Variants in CDS1 observed in about 807,000 individuals in gnomAD.
The protein encoded by CDS1 is CDP-diacylglycerol synthase 1.
A neutral mutation model predicts 62.1 loss-of-function variants in CDS1; 41 were observed. The observed-to-expected ratio is 0.66, with a 90% CI of 0.51 to 0.86. The LOEUF is 0.86. CDS1 is among the 40% of genes least tolerant of loss of function. The pLI, the probability that CDS1 is intolerant of heterozygous loss-of-function variation, is 0.00. For missense variants in CDS1, 470 were observed against 550.1 expected (o/e 0.85, Z 1.46); for synonymous variants, 185 against 192.6 (o/e 0.96, Z 0.32).
chr4:84,605,676 G>A (rs1441433978), intron 2 of CDS1, among the ~76,000 whole-genome samples: 1 of 152,088 alleles, frequency 6.6e-6, no homozygotes, highest in Non-Finnish European at 1.5e-5. Context: ...TGTTCTGTAA[G>A]AATGATGCCA....
At chr4:84,629,412 C>T (rs566941751) in intron 5 of CDS1, among the ~76,000 whole-genome samples, 31 of 150,332 alleles carry the variant, frequency 2.1e-4, no homozygotes, top group Non-Finnish European at 4.4e-4. Context: ...CATGTATAGG[C>T]TTGTTTCTTG....
chr4:84,611,062 A>G (rs1723304780), intron 3 of CDS1, among the ~76,000 whole-genome samples: 1 of 152,232 alleles, frequency 6.6e-6, no homozygotes, highest in Admixed American at 6.5e-5. Context: ...GTGGGCTGCA[A>G]TCTGAAGGTT....
At chr4:84,626,188 CA>C (rs752392181) in intron 5 of CDS1, among the ~76,000 whole-genome samples, 10 of 151,560 alleles carry the variant, frequency 6.6e-5, no homozygotes, top group South Asian at 2.1e-4. Flanking sequence ...AACAAACAAA[CA>C]AAAAAAACAT....
intron 9 of CDS1, 120 bp downstream of exon 9, chr4:84,639,112 C>A: frequency 2.6e-6 from 1 of 388,818 alleles, no homozygotes. Flanking sequence ...TTTATTGAAA[C>A]CTACTGAAAA....
chr4:84,615,369 A>G (rs1723456046), intron 3 of CDS1, among the ~76,000 whole-genome samples: 1 of 151,282 alleles, frequency 6.6e-6, no homozygotes, highest in South Asian at 2.1e-4. Context: ...TATTCTCCCA[A>G]ACTCTCATGT....
At chr4:84,613,117 T>C (rs1723379127) in intron 3 of CDS1, among the ~76,000 whole-genome samples, 1 of 151,998 alleles carries the variant, frequency 6.6e-6, no homozygotes, top group Admixed American at 6.6e-5. Flanking sequence ...TTTTATGATA[T>C]TTGTGTTAAG....
Position 84,648,869 on chromosome 4 carries a change from G to T in CDS1, c.*183G>T. ...TTACTTGATCTATGTTATGAAATAAGTAGCAAATTGCCAGCAAAATGTCTT... is the reference window on the plus strand; with the variant it reads ...TTACTTGATCTATGTTATGAAATAATTAGCAAATTGCCAGCAAAATGTCTT... On this transcript the variant is annotated 3_prime_UTR_variant, in exon 13 of 13. Coordinates refer to ENST00000295887, the MANE Select transcript of CDS1 (RefSeq NM_001263.4). 1.8e-6 allele frequency: 1 copy of T among 543,756 alleles called. No homozygotes were observed. Among genetic ancestry groups the T allele is most frequent in the South Asian group, 4.0e-5 (1 of 25,194 alleles). 33.7% of individuals were successfully genotyped at this position (543,756 alleles called of 1,614,324 possible).
chr4:84,612,125 G>A (rs1451523371), intron 3 of CDS1, among the ~76,000 whole-genome samples: 1 of 151,038 alleles, frequency 6.6e-6, no homozygotes, highest in Non-Finnish European at 1.5e-5. Context: ...TGTGCCACTT[G>A]GACCTTTGCT....
intron 3 of CDS1, among the ~76,000 whole-genome samples, chr4:84,611,783 G>A (rs1723332143): frequency 6.6e-6 from 1 of 152,184 alleles, no homozygotes; most frequent in Non-Finnish European, 1.5e-5. Context: ...TGAGAGCAGA[G>A]GAAGCGGAGC....
chr4:84,611,035 G>A (rs1302311898), intron 3 of CDS1, among the ~76,000 whole-genome samples: 1 of 152,226 alleles, frequency 6.6e-6, no homozygotes, highest in Non-Finnish European at 1.5e-5. Flanking sequence ...ACTTTCCAGA[G>A]GCACAGTGCC....
chr4:84,619,574 A>G, intron 5 of CDS1, 41 bp downstream of exon 5: 1 of 1,182,622 alleles, frequency 8.5e-7, no homozygotes, highest in Non-Finnish European at 1.1e-6. Flanking sequence ...TAGTTAACAT[A>G]TTTTCCATGT....
At chr4:84,626,287 T>C (rs1723860015) in intron 5 of CDS1, among the ~76,000 whole-genome samples, 2 of 152,244 alleles carry the variant, frequency 1.3e-5, no homozygotes, top group African/African-American at 4.8e-5. Context: ...TCACAAGTTA[T>C]TGGCTTAAAA....
intron 10 of CDS1, 71 bp from the exon 11 acceptor site, chr4:84,642,953 G>T: frequency 7.0e-7 from 1 of 1,432,956 alleles, no homozygotes; most frequent in South Asian, 1.3e-5. Context: ...ATGGTTCTTA[G>T]ATCAGGTGGT....
chr4:84,608,076 G>A lies in CDS1; in HGVS notation c.246-1353G>A, dbSNP rs562112938. Among the ~76,000 whole-genome samples the A allele has an allele frequency of 1.1e-4, 16 of 152,324 alleles. No homozygotes were observed. The South Asian group carries it at 2.9e-3, about 28-fold the overall frequency. On this transcript the variant is annotated intron_variant, in intron 2 of 12. Transcript: ENST00000295887. Reference sequence around the variant, plus strand: ...GTCGGGCATGCCAGGCCCTTACAGCGAGGGTTGAGGGAGACCAGTTCTCAG... The same window carrying A: ...GTCGGGCATGCCAGGCCCTTACAGCAAGGGTTGAGGGAGACCAGTTCTCAG...
intron 10 of CDS1, among the ~76,000 whole-genome samples, chr4:84,642,355 A>G (rs963965871): frequency 3.3e-5 from 5 of 151,960 alleles, no homozygotes; most frequent in African/African-American, 1.2e-4. Flanking sequence ...TTGGTGCCTC[A>G]GACATCTTTC....
At chr4:84,593,437 A>T (rs755628488) in intron 1 of CDS1, among the ~76,000 whole-genome samples, 11 of 152,030 alleles carry the variant, frequency 7.2e-5, no homozygotes, top group Non-Finnish European at 1.2e-4. Context: ...GAGGATGGCC[A>T]CTCTGGAGCT....
chr4:84,633,593 T>C (rs1030315620), intron 6 of CDS1, among the ~76,000 whole-genome samples: 14 of 152,218 alleles, frequency 9.2e-5, no homozygotes, highest in Admixed American at 8.5e-4. Context: ...ATTTTTTATA[T>C]GTTTTAAAAG....
intron 2 of CDS1, among the ~76,000 whole-genome samples, chr4:84,604,808 G>C (rs979201433): frequency 3.3e-5 from 5 of 151,746 alleles, no homozygotes; most frequent in Non-Finnish European, 5.9e-5. Flanking sequence ...AAATAAGATG[G>C]GGTTTTACCA....
intron 10 of CDS1, 121 bp from the exon 11 acceptor site, chr4:84,642,903 A>T: frequency 1.0e-6 from 1 of 975,146 alleles, no homozygotes; most frequent in Non-Finnish European, 1.5e-6. Context: ...TTGAAAAATT[A>T]ACAAAAATGT....
Sources: allele counts gnomAD v4.1 joint callset (sites outside exome capture counted in the v4.1 genomes callset), GRCh38; gene constraint gnomAD v4.1.1; transcripts MANE v1.5; gene names NCBI Gene and HGNC (gene_info 2026-07-23, HGNC 2026-07-21).